The following ERLEC1 variants were observed in gnomAD, a reference collection of about 807,000 sequenced individuals.
ERLEC1 encodes endoplasmic reticulum lectin 1.
Under a neutral mutation model 68.0 loss-of-function variants are expected in ERLEC1, and 47 were observed. The observed-to-expected ratio is 0.69, with a 90% confidence interval of 0.55 to 0.88. The LOEUF (loss-of-function observed/expected upper bound fraction) is 0.88. ERLEC1 is among the 40% of genes least tolerant of loss of function. ERLEC1 has a pLI of 0.00. For synonymous variants in ERLEC1, 225 were observed against 203.2 expected, an observed-to-expected ratio of 1.11 and a Z score of -0.91; for missense variants, 567 against 583.8, an observed-to-expected ratio of 0.97 and a Z score of 0.30.
chr2:53,808,241 C>A, intron 8 of ERLEC1, 58 bp from the exon 9 acceptor site: 1 of 1,553,396 alleles, frequency 6.4e-7, no homozygotes, highest in South Asian at 1.2e-5. Context: ...TAAGCCATAA[C>A]TGAAAAAAGA....
chr2:53,817,397 T>C (rs190006367), intron 13 of ERLEC1, among the ~76,000 whole-genome samples: 2 of 152,318 alleles, frequency 1.3e-5, no homozygotes, highest in African/African-American at 4.8e-5. Flanking sequence ...CCTCCCAGAG[T>C]GCTGGGATTA....
chr2:53,792,507 G>C (rs1675465788), intron 1 of ERLEC1, among the ~76,000 whole-genome samples: 1 of 152,150 alleles, frequency 6.6e-6, no homozygotes, highest in African/African-American at 2.4e-5. Context: ...TTGAAGCCCT[G>C]GGCGTTAGTG....
At chr2:53,797,416 C>T (rs899236087) in intron 3 of ERLEC1, 99 bp from the exon 4 acceptor site, 106 of 808,442 alleles carry the variant, frequency 1.3e-4, no homozygotes, top group Admixed American at 3.0e-4. Context: ...AAAGCTTACT[C>T]TGAAATCTTA....
At chr2:53,804,248 CTT>C (rs1317115476) in intron 8 of ERLEC1, among the ~76,000 whole-genome samples, 4 of 151,884 alleles carry the variant, frequency 2.6e-5, no homozygotes, top group Non-Finnish European at 5.9e-5. Context: ...TACATATACT[CTT>C]TTGTTGTTGT....
In ERLEC1 at chr2:53,800,058, A is replaced by G. The variant is rs545981378; in HGVS notation, c.525+977A>G. On this transcript the variant is annotated intron_variant, in intron 6 of 13. Transcript: ENST00000185150. ...ACAAAAGCTAATGTTTAATTCTCCCAAAAACCTTTTAATACACAGTCATGA... is the reference window on the plus strand; with the variant it reads ...ACAAAAGCTAATGTTTAATTCTCCCGAAAACCTTTTAATACACAGTCATGA... 1.6e-4 allele frequency among the ~76,000 whole-genome samples: 25 copies of G among 152,268 alleles called. No homozygotes were observed. In the Middle Eastern group the frequency reaches 0.014, roughly 83 times the overall value.
chr2:53,799,180 T>G, intron 6 of ERLEC1, 99 bp downstream of exon 6: 1 of 1,002,544 alleles, frequency 1.0e-6, no homozygotes, highest in African/African-American at 1.6e-5. Flanking sequence ...TATGTTCTTA[T>G]TCTTCATCTA....
At position 53,818,548 on chromosome 2, in the gene ERLEC1, CTTATTT is replaced by C. The variant is rs1677018339; in HGVS notation, c.*580_*585del. The C allele has an allele frequency of 6.6e-6, 1 of 152,176 alleles. No individual in the cohort carries two copies. The highest frequency in any genetic ancestry group is 1.5e-5 in the Non-Finnish European group (1 of 68,048). 9.4% of individuals were successfully genotyped at this position (152,176 alleles called of 1,614,324 possible). A position where few individuals can be genotyped will look rare whatever the true frequency, so the allele number is the denominator to read the frequency against. ...TCACCCTTGTTAATCTCAAGAAACT[CTTATTT>C]ATAATAGGTTGCTTCTCTCTCAGAA... On this transcript the variant is annotated 3_prime_UTR_variant, in exon 14 of 14. Coordinates refer to ENST00000185150, the MANE Select transcript of ERLEC1 (RefSeq NM_015701.5).
chr2:53,808,215 T>C, intron 8 of ERLEC1, 84 bp from the exon 9 acceptor site: 1 of 1,459,768 alleles, frequency 6.9e-7, no homozygotes, highest in Middle Eastern at 1.9e-4. Context: ...TTTTCTGCAG[T>C]TTAAAAATAA....
At position 53,799,733 on chromosome 2, in the gene ERLEC1, A is replaced by G. The variant is rs184238156; in HGVS notation, c.525+652A>G. 2.3e-3 allele frequency among the ~76,000 whole-genome samples: 354 copies of G among 152,278 alleles called. 3 individuals carry two copies. The highest frequency in any genetic ancestry group is 5.2e-3 in the African/African-American group (216 of 41,582). On this transcript the variant is annotated intron_variant, in intron 6 of 13. Transcript: ENST00000185150. ...TTAATATCATACTGATACTTTTTTT[A>G]GAAGTAAAGTAAAATGGCAAAGTCT...
intron 6 of ERLEC1, among the ~76,000 whole-genome samples, chr2:53,800,138 A>G (rs1473216925): frequency 6.6e-6 from 1 of 152,164 alleles, no homozygotes; most frequent in Non-Finnish European, 1.5e-5. Flanking sequence ...TGATTTTATC[A>G]TTGTGCAAAC....
In ERLEC1 at chr2:53,787,123, C is replaced by A; in HGVS notation, c.-88C>A. 2 of 937,282 alleles carry A rather than the reference C, an allele frequency of 2.1e-6. No homozygotes were observed. Among genetic ancestry groups the A allele is most frequent in the Non-Finnish European group, 2.9e-6 (2 of 700,420 alleles). The allele number at this position is 937,282 out of a possible 1,614,324, so 58.1% of individuals were successfully genotyped here. On this transcript the variant is annotated 5_prime_UTR_variant, in exon 1 of 14. Coordinates refer to ENST00000185150, the MANE Select transcript of ERLEC1 (RefSeq NM_015701.5). ...GATACCCGGGCGCTTTATAGTCCCG[C>A]CGCCTCCTCCTCCACCTCCTCCTCC...
At chr2:53,792,144 GC>G (rs1675440414) in intron 1 of ERLEC1, among the ~76,000 whole-genome samples, 1 of 151,524 alleles carries the variant, frequency 6.6e-6, no homozygotes. Flanking sequence ...TGGATCTCCT[GC>G]CCTCTATCTG....
Position 53,801,831 on chromosome 2 carries a change from A to G in ERLEC1, c.868A>G (p.Arg290Gly), listed in dbSNP as rs767522858. The change falls in exon 8 of 14, where the codon AGA (arginine) becomes GGA (glycine). Residue 290 changes from arginine to glycine, a missense_variant. Physicochemically the swap from Arg to Gly is moderately radical, Grantham distance 125. Coordinates refer to ENST00000185150, the MANE Select transcript of ERLEC1 (RefSeq NM_015701.5). ...QEEILRVPFR[R>G]NKEEDLQSTK... ...AGAAATACTAAGGGTGCCTTTTAGG[A>G]GAAATAAAGAGGTATGAGAATTGTC... The G allele has an allele frequency of 5.0e-6, 8 of 1,613,326 alleles. No homozygotes were observed. Among genetic ancestry groups the G allele is most frequent in the Non-Finnish European group, 5.1e-6 (6 of 1,179,654 alleles).
chr2:53,801,649 T>G, intron 7 of ERLEC1, 29 bp downstream of exon 7: 1 of 1,613,050 alleles, frequency 6.2e-7, no homozygotes, highest in Non-Finnish European at 8.5e-7. Flanking sequence ...ATTTTAAACA[T>G]AAAATGCACA....
At chr2:53,805,522 C>T (rs1395151579) in intron 8 of ERLEC1, among the ~76,000 whole-genome samples, 1 of 152,102 alleles carries the variant, frequency 6.6e-6, no homozygotes, top group Non-Finnish European at 1.5e-5. Context: ...CTGGACGACC[C>T]TACATTTTCT....
At chr2:53,791,864 T>A (rs1166502021) in intron 1 of ERLEC1, among the ~76,000 whole-genome samples, 1 of 149,980 alleles carries the variant, frequency 6.7e-6, no homozygotes, top group African/African-American at 2.5e-5. Flanking sequence ...CAACTGTTAC[T>A]TTCAAATCTC....
rs1194937270 is a variant in ERLEC1, at chr2:53,807,868, C to A, written c.880-431C>A. 2.6e-5 allele frequency among the ~76,000 whole-genome samples: 4 copies of A among 151,568 alleles called. No individual in the cohort carries two copies. The East Asian group carries it at 7.8e-4, about 29-fold the overall frequency. ...AAAACAACAACAACAACAACAACAA[C>A]AACAAAAAATGCCAGGCGTGGTGGC... On this transcript the variant is annotated intron_variant, in intron 8 of 13. Transcript: ENST00000185150.
intron 8 of ERLEC1, among the ~76,000 whole-genome samples, chr2:53,803,736 G>A (rs1676128242): frequency 6.6e-6 from 1 of 152,206 alleles, no homozygotes; most frequent in Non-Finnish European, 1.5e-5. Flanking sequence ...GGTAAAAAGA[G>A]TGAGACCCTA....
chr2:53,796,095 A>T, intron 3 of ERLEC1, 82 bp downstream of exon 3: 1 of 986,742 alleles, frequency 1.0e-6, no homozygotes, highest in Non-Finnish European at 1.5e-6. Context: ...TTTCTTCTTT[A>T]TTATGTTGTG....
Sources: allele counts gnomAD v4.1 joint callset (sites outside exome capture counted in the v4.1 genomes callset), GRCh38; gene constraint gnomAD v4.1.1; transcripts MANE v1.5; gene names NCBI Gene and HGNC (gene_info 2026-07-23, HGNC 2026-07-21).